The following ROR2 variants were observed in gnomAD, a reference collection of about 807,000 sequenced individuals.
ROR2 encodes the protein ROR family WNT receptor 2.
ROR2 carries 33 observed loss-of-function variants against 74.9 expected under a neutral mutation model. The observed-to-expected ratio is 0.44, with a 90% CI of 0.33 to 0.59. ROR2 has a LOEUF of 0.59. Among genes scored for constraint, ROR2 ranks in the 20% least tolerant of loss-of-function variants. The pLI is 0.02. For missense variants in ROR2, 1,216 were observed against 1,313.8 expected, an observed-to-expected ratio of 0.93 and a Z score of 1.15; for synonymous variants, 586 against 558.7, an observed-to-expected ratio of 1.05 and a Z score of -0.69.
At chr9:91,900,425 C>T (rs931177296) in intron 1 of ROR2, among the ~76,000 whole-genome samples, 2 of 152,244 alleles carry the variant, frequency 1.3e-5, no homozygotes, top group East Asian at 1.9e-4. Flanking sequence ...GGAACGGTGG[C>T]GGCGCGGGGC....
chr9:91,775,961 C>G (rs1826407171), intron 1 of ROR2, 143 bp from the exon 2 acceptor site: 1 of 724,180 alleles, frequency 1.4e-6, no homozygotes, highest in Non-Finnish European at 2.5e-6. Context: ...ATTATGGTAA[C>G]CTCTAGAGGG....
At chr9:91,795,348 G>A (rs1827132145) in intron 1 of ROR2, among the ~76,000 whole-genome samples, 1 of 152,164 alleles carries the variant, frequency 6.6e-6, no homozygotes, top group Non-Finnish European at 1.5e-5. Context: ...TTGGAATGAG[G>A]ACAGAAATGT....
At chr9:91,798,389 AGTGGGCGGGGCTGACACCCTGGGC>A (rs1564283332) in intron 1 of ROR2, among the ~76,000 whole-genome samples, 2 of 39,260 alleles carry the variant, frequency 5.1e-5, no homozygotes, top group Admixed American at 3.4e-4. Flanking sequence ...ACCCTGGGCT[AGTGGGCGGGGCTGACACCCTGGGC>A]TCTGTGGGTG....
intron 4 of ROR2, among the ~76,000 whole-genome samples, chr9:91,742,679 T>A (rs972458556): frequency 6.6e-6 from 1 of 152,182 alleles, no homozygotes; most frequent in Non-Finnish European, 1.5e-5. Flanking sequence ...GTCATAACAC[T>A]GTAGTGCAAT....
intron 1 of ROR2, among the ~76,000 whole-genome samples, chr9:91,927,186 G>C (rs141218921): frequency 6.6e-6 from 1 of 152,188 alleles, no homozygotes; most frequent in Non-Finnish European, 1.5e-5. Context: ...CCCAAACTGC[G>C]TCCTGGACAC....
intron 1 of ROR2, among the ~76,000 whole-genome samples, chr9:91,776,806 C>T (rs562546169): frequency 1.3e-5 from 2 of 151,356 alleles, no homozygotes; most frequent in South Asian, 4.2e-4. Context: ...ATCAAACATA[C>T]TTGCACTATA....
At chr9:91,806,372 G>A (rs1386299858) in intron 1 of ROR2, among the ~76,000 whole-genome samples, 2 of 152,120 alleles carry the variant, frequency 1.3e-5, no homozygotes, top group African/African-American at 2.4e-5. Context: ...TCTTTGTTAA[G>A]GGTGCTAATC....
At chr9:91,859,738 T>C (rs1387252422) in intron 1 of ROR2, among the ~76,000 whole-genome samples, 2 of 152,098 alleles carry the variant, frequency 1.3e-5, no homozygotes, top group Non-Finnish European at 2.9e-5. Flanking sequence ...GGCAGGAGAA[T>C]TGCTTGAACC....
intron 1 of ROR2, among the ~76,000 whole-genome samples, chr9:91,824,049 AGT>A (rs1222506732): frequency 2.0e-5 from 3 of 152,232 alleles, no homozygotes; most frequent in African/African-American, 4.8e-5. Flanking sequence ...GCTTCACAGC[AGT>A]GTGTCTAAGT....
At chr9:91,924,363 G>A (rs891309874) in intron 1 of ROR2, among the ~76,000 whole-genome samples, 1 of 152,236 alleles carries the variant, frequency 6.6e-6, no homozygotes, top group Non-Finnish European at 1.5e-5. Context: ...GTCCCTTGTG[G>A]TGGAGTGACA....
At position 91,733,350 on chromosome 9, in the gene ROR2, G is replaced by A; in HGVS notation, c.709C>T (p.Pro237Ser). 1 of 1,612,398 alleles carries A rather than the reference G, an allele frequency of 6.2e-7. No individual in the cohort carries two copies. The highest frequency in any genetic ancestry group is 1.7e-5 in the Admixed American group (1 of 60,008). The change falls in exon 6 of 9, where the codon CCT (proline) becomes TCT (serine). Residue 237 changes from proline to serine, a missense_variant. Pro to Ser is a moderately conservative substitution (Grantham distance 74, BLOSUM62 -1). Coordinates refer to ENST00000375708, the MANE Select transcript of ROR2 (RefSeq NM_004560.4). The surrounding 1 kb of genome is among the most constrained non-coding windows in gnomAD (Gnocchi z 5.7). The stretch of plus-strand genomic sequence containing the variant: ...GTCCGGGAGCGCGCGTCGCACAGAG[G>A]AAACACGAAGTGGCAGAAGGATGGG... ...AIPSFCHFVF[P>S]LCDARSRTPK...
chr9:91,741,302 T>C (rs1429944376), intron 4 of ROR2, among the ~76,000 whole-genome samples: 6 of 56,448 alleles, frequency 1.1e-4, no homozygotes, highest in Admixed American at 3.9e-4. Context: ...CTGTCTCAAG[T>C]AGTAATAATA....
intron 1 of ROR2, among the ~76,000 whole-genome samples, chr9:91,852,405 C>T (rs1463100834): frequency 6.6e-6 from 1 of 152,192 alleles, no homozygotes; most frequent in Non-Finnish European, 1.5e-5. Flanking sequence ...TCCTAGTGTC[C>T]TGGAGACCAG....
chr9:91,830,067 C>G (rs1345017183), intron 1 of ROR2, among the ~76,000 whole-genome samples: 1 of 152,142 alleles, frequency 6.6e-6, no homozygotes, highest in East Asian at 1.9e-4. Flanking sequence ...ATATCTAATT[C>G]AACAAAAATT....
chr9:91,752,404 C>G (rs773287655), intron 4 of ROR2, among the ~76,000 whole-genome samples: 1 of 152,210 alleles, frequency 6.6e-6, no homozygotes, highest in Non-Finnish European at 1.5e-5. Context: ...CAGCAATAAA[C>G]AGCTGTAACC....
At chr9:91,915,262 A>G (rs755504812) in intron 1 of ROR2, among the ~76,000 whole-genome samples, 39 of 152,290 alleles carry the variant, frequency 2.6e-4, no homozygotes, top group Non-Finnish European at 4.4e-4. Flanking sequence ...ATAGACACCA[A>G]CAGCAGCCCC....
At chr9:91,769,378 C>G (rs1371279775) in intron 2 of ROR2, among the ~76,000 whole-genome samples, 2 of 152,166 alleles carry the variant, frequency 1.3e-5, no homozygotes, top group Non-Finnish European at 2.9e-5. Context: ...CCCTGGCCTC[C>G]TTGGTGGCAG....
At chr9:91,879,361 T>C (rs956741424) in intron 1 of ROR2, among the ~76,000 whole-genome samples, 2 of 152,186 alleles carry the variant, frequency 1.3e-5, no homozygotes, top group South Asian at 2.1e-4. Context: ...GATCCCTTTT[T>C]CTTCTCTACT....
chr9:91,847,529 C>T (rs1293648688), intron 1 of ROR2, among the ~76,000 whole-genome samples: 9 of 152,218 alleles, frequency 5.9e-5, no homozygotes, highest in Admixed American at 1.3e-4. Flanking sequence ...GACTTGAGGG[C>T]GCCAGAGGAG....
Sources: allele counts gnomAD v4.1 joint callset (sites outside exome capture counted in the v4.1 genomes callset), GRCh38; gene constraint gnomAD v4.1.1; non-coding constraint Gnocchi (gnomAD v3.1); transcripts MANE v1.5; gene names NCBI Gene and HGNC (gene_info 2026-07-23, HGNC 2026-07-21).